FECH: variants seen among roughly 807,000 people sequenced by gnomAD.
FECH encodes ferrochelatase, also known as ferrochelatase, mitochondrial.
A neutral mutation model predicts 56.9 loss-of-function variants in FECH; 40 were observed. That is an observed-to-expected ratio of 0.70 (90% CI 0.55 to 0.92). The LOEUF is 0.92. Ranked by LOEUF, FECH falls within the 40% of genes least tolerant of loss-of-function variation. FECH has a pLI of 0.00. For synonymous variants in FECH, 175 were observed against 198.6 expected, an observed-to-expected ratio of 0.88 and a Z score of 1.00; for missense variants, 431 against 529.1, an observed-to-expected ratio of 0.81 and a Z score of 1.82.
At chr18:57,557,746 G>C (rs1298218856) in intron 7 of FECH, among the ~76,000 whole-genome samples, 1 of 152,114 alleles carries the variant, frequency 6.6e-6, no homozygotes, top group Non-Finnish European at 1.5e-5. Context: ...ACGGTGAGCT[G>C]TGATCGCATC....
chr18:57,577,605 G>A (rs2051201627), intron 2 of FECH, among the ~76,000 whole-genome samples: 1 of 152,094 alleles, frequency 6.6e-6, no homozygotes, highest in African/African-American at 2.4e-5. Context: ...GTTGGTCAAG[G>A]TAGTTTATGA....
rs1486126413 is a variant in FECH, at chr18:57,550,056, G to A, written c.*656C>T. On this transcript the variant is annotated 3_prime_UTR_variant, in exon 11 of 11. Coordinates refer to ENST00000262093, the MANE Select transcript of FECH (RefSeq NM_000140.5). Reference sequence around the variant, plus strand: ...TACTTGTACACGTTTATTACCCTTGGGTGTATGGGGAATCTAAGAGCACCT... The same window carrying A: ...TACTTGTACACGTTTATTACCCTTGAGTGTATGGGGAATCTAAGAGCACCT... The A allele has an allele frequency of 1.3e-5, 2 of 152,702 alleles. No individual in the cohort carries two copies. Among genetic ancestry groups the A allele is most frequent in the African/African-American group, 4.8e-5 (2 of 41,390 alleles). The allele number at this position is 152,702 out of a possible 1,614,324, so 9.5% of individuals were successfully genotyped here. A position where few individuals can be genotyped will look rare whatever the true frequency, so the allele number is the denominator to read the frequency against.
Position 57,544,590 on chromosome 18 carries a change from C to T in FECH, c.*6122G>A, listed in dbSNP as rs556133964. ...ATCAACAAGTATAGTTCACACATAT[C>T]GACATTTTGTTTACATTCATGAGCA... On this transcript the variant is annotated 3_prime_UTR_variant, in exon 11 of 11. Coordinates refer to ENST00000262093, the MANE Select transcript of FECH (RefSeq NM_000140.5). Among the ~76,000 whole-genome samples the T allele has an allele frequency of 2.0e-5, 3 of 152,284 alleles. No individual in the cohort carries two copies. The East Asian group carries it at 5.8e-4, about 29-fold the overall frequency.
chr18:57,564,125 G>A (rs754247262), intron 5 of FECH, among the ~76,000 whole-genome samples: 37 of 152,090 alleles, frequency 2.4e-4, no homozygotes, highest in Non-Finnish European at 2.1e-4. Flanking sequence ...TGATCTGCCC[G>A]CCTGGGCCTC....
intron 1 of FECH, among the ~76,000 whole-genome samples, chr18:57,586,338 C>T (rs1245174433): frequency 6.6e-6 from 1 of 152,242 alleles, no homozygotes; most frequent in Non-Finnish European, 1.5e-5. Flanking sequence ...GAACCTGCGC[C>T]TCCTGGATCC....
chr18:57,563,011 C>T (rs1189111555), intron 5 of FECH, 31 bp from the exon 6 acceptor site: 1 of 1,553,872 alleles, frequency 6.4e-7, no homozygotes, highest in Non-Finnish European at 8.9e-7. Context: ...TTAGTAGATG[C>T]ATTTTGATTA....
chr18:57,567,627 T>C (rs1445637100), intron 4 of FECH, among the ~76,000 whole-genome samples: 1 of 152,226 alleles, frequency 6.6e-6, no homozygotes, highest in Non-Finnish European at 1.5e-5. Context: ...TCCAAAGCAT[T>C]AGCAGGGGCT....
At chr18:57,552,017 G>A (rs561704006) in intron 9 of FECH, among the ~76,000 whole-genome samples, 19 of 151,830 alleles carry the variant, frequency 1.3e-4, no homozygotes, top group African/African-American at 4.6e-4. Context: ...TCAAGTAGCT[G>A]AGATTACAGG....
chr18:57,546,494 A>G lies in FECH; in HGVS notation c.*4218T>C, dbSNP rs2050722785. 6.6e-6 allele frequency among the ~76,000 whole-genome samples: 1 copy of G among 152,084 alleles called. No homozygotes were observed. On this transcript the variant is annotated 3_prime_UTR_variant, in exon 11 of 11. Coordinates refer to ENST00000262093, the MANE Select transcript of FECH (RefSeq NM_000140.5). ...CACCCTTTGTGGGTAATAATAATATACTTTGGATAAGCACAATGGCATCAC... is the reference window on the plus strand; with the variant it reads ...CACCCTTTGTGGGTAATAATAATATGCTTTGGATAAGCACAATGGCATCAC...
chr18:57,550,933 C>T (rs1347410690), intron 10 of FECH, 87 bp from the exon 11 acceptor site: 85 of 1,565,930 alleles, frequency 5.4e-5, no homozygotes, highest in Non-Finnish European at 7.1e-5. Context: ...CCCAGGTCAG[C>T]GCTCTGGCTT....
At position 57,550,502 on chromosome 18, in the gene FECH, G is replaced by A. The variant is rs1313888531; in HGVS notation, c.*210C>T. The A allele has an allele frequency of 7.1e-6, 4 of 566,096 alleles. No individual in the cohort carries two copies. Among genetic ancestry groups the A allele is most frequent in the South Asian group, 2.1e-5 (1 of 47,498 alleles). 35.1% of individuals were successfully genotyped at this position (566,096 alleles called of 1,614,324 possible). A position where few individuals can be genotyped will look rare whatever the true frequency, so the allele number is the denominator to read the frequency against. On this transcript the variant is annotated 3_prime_UTR_variant, in exon 11 of 11. Transcript: ENST00000262093. ...AACTAGTAACTTATACCTAGAGAGA[G>A]AAAATACAAATGCTTACTGTATAGT...
At chr18:57,577,343 G>A (rs34265048) in intron 2 of FECH, among the ~76,000 whole-genome samples, 38,783 of 152,152 alleles carry the variant, frequency 0.25, 5,502 homozygotes, top group African/African-American at 0.35. Context: ...CTACAACAGC[G>A]GAGTTGAATA....
chr18:57,552,493 C>T (rs896005763), intron 9 of FECH, among the ~76,000 whole-genome samples: 5 of 151,962 alleles, frequency 3.3e-5, no homozygotes, highest in African/African-American at 1.2e-4. Flanking sequence ...CTCCACCTCC[C>T]AGATTCAAGT....
intron 6 of FECH, 132 bp downstream of exon 6, chr18:57,562,742 A>C (rs1477619157): frequency 1.4e-6 from 1 of 701,100 alleles, no homozygotes; most frequent in Non-Finnish European, 2.6e-6. Flanking sequence ...TAATACTTTT[A>C]TTTAATCCCA....
chr18:57,584,792 CTT>C (rs1238232931), intron 1 of FECH, among the ~76,000 whole-genome samples: 1 of 149,866 alleles, frequency 6.7e-6, no homozygotes, highest in South Asian at 2.2e-4. Flanking sequence ...CCCTACAACT[CTT>C]TTATTATCCT....
rs538698436 is a variant in FECH, at chr18:57,586,607, C to T, written c.14G>A (p.Gly5Asp). 6.3e-5 allele frequency: 96 copies of T among 1,522,848 alleles called. No individual in the cohort carries two copies. The African/African-American group carries it at 1.1e-3, about 18-fold the overall frequency. 94.3% of individuals were successfully genotyped at this position (1,522,848 alleles called of 1,614,324 possible). A position where few individuals can be genotyped will look rare whatever the true frequency, so the allele number is the denominator to read the frequency against. Residue 5 changes from glycine (G) to aspartate (D), a missense_variant, in exon 1 of 11, where the codon GGC (glycine) becomes GAC (aspartate). Transcript: ENST00000262093. MRSL[G>D]ANMAAALRAA... Reference sequence around the variant, plus strand: ...GCGCAGGGCCGCAGCCATGTTTGCGCCGAGTGAACGCATTGCCTGGGCAGC... The same window carrying T: ...GCGCAGGGCCGCAGCCATGTTTGCGTCGAGTGAACGCATTGCCTGGGCAGC...
chr18:57,578,744 G>C (rs1355278388), intron 2 of FECH, among the ~76,000 whole-genome samples: 2 of 151,860 alleles, frequency 1.3e-5, no homozygotes, highest in African/African-American at 4.8e-5. Flanking sequence ...TGGATCACTT[G>C]AAGTCAGGAG....
intron 2 of FECH, among the ~76,000 whole-genome samples, chr18:57,579,313 G>GTGTGTATATA (rs531089366): frequency 0.011 from 1,619 of 143,718 alleles, 33 homozygotes; most frequent in African/African-American, 0.04. Flanking sequence ...GTGTGTGTGT[G>GTGTGTATATA]TATATATTCA....
In FECH at chr18:57,586,616, C is replaced by A. The variant is rs1463028304; in HGVS notation, c.5G>T (p.Arg2Leu). The A allele has an allele frequency of 6.6e-7, 1 of 1,520,098 alleles. No homozygotes were observed. Among genetic ancestry groups the A allele is most frequent in the East Asian group, 2.6e-5 (1 of 38,852 alleles). 94.2% of individuals were successfully genotyped at this position (1,520,098 alleles called of 1,614,324 possible). The change falls in exon 1 of 11, where the codon CGT becomes CTT. Residue 2 changes from arginine (R) to leucine (L), a missense_variant. Coordinates refer to ENST00000262093, the MANE Select transcript of FECH (RefSeq NM_000140.5). M[R>L]SLGANMAAAL... ...CGCAGCCATGTTTGCGCCGAGTGAACGCATTGCCTGGGCAGCCTCGGCCCG... is the reference window on the plus strand; with the variant it reads ...CGCAGCCATGTTTGCGCCGAGTGAAAGCATTGCCTGGGCAGCCTCGGCCCG...
Sources: gnomAD v4.1 joint callset for allele counts (sites outside exome capture counted in the v4.1 genomes callset) on GRCh38, gnomAD v4.1.1 for gene constraint, MANE v1.5 for transcripts, NCBI Gene and HGNC (gene_info 2026-07-23, HGNC 2026-07-21) for gene names.